The following GLDC variants were observed in gnomAD, a reference collection of about 807,000 sequenced individuals.
GLDC encodes glycine decarboxylase, also known as glycine dehydrogenase (decarboxylating), mitochondrial.
A neutral mutation model predicts 121.3 loss-of-function variants in GLDC; 104 were observed. That is an observed-to-expected ratio of 0.86 (90% CI 0.73 to 1.01). GLDC has a LOEUF of 1.01. GLDC is among the 50% of genes least tolerant of loss of function. GLDC has a pLI of 0.00. For synonymous variants in GLDC, 546 were observed against 480.6 expected, an observed-to-expected ratio of 1.14 and a Z score of -1.78; for missense variants, 1,429 against 1,306.6, an observed-to-expected ratio of 1.09 and a Z score of -1.44.
intron 21 of GLDC, among the ~76,000 whole-genome samples, chr9:6,545,618 T>C (rs761122183): frequency 2.0e-5 from 3 of 152,186 alleles, no homozygotes; most frequent in Non-Finnish European, 2.9e-5. Context: ...TTTTCTTCAA[T>C]AATAAATTAA....
At chr9:6,595,932 G>C (rs1818485608) in intron 8 of GLDC, among the ~76,000 whole-genome samples, 2 of 152,116 alleles carry the variant, frequency 1.3e-5, no homozygotes. Flanking sequence ...TGCAAAATAA[G>C]AAACAGTTTC....
intron 22 of GLDC, among the ~76,000 whole-genome samples, chr9:6,539,678 GA>G (rs1817214811): frequency 1.3e-5 from 2 of 152,156 alleles, no homozygotes; most frequent in Non-Finnish European, 2.9e-5. Context: ...AGAAGCAGCT[GA>G]AACAGCTACG....
intron 2 of GLDC, among the ~76,000 whole-genome samples, chr9:6,637,489 G>T (rs549002483): frequency 6.6e-6 from 1 of 151,570 alleles, no homozygotes; most frequent in African/African-American, 2.4e-5. Flanking sequence ...TCATTCTGTC[G>T]CCCAGGCTGG....
chr9:6,559,257 G>C (rs1172066250), intron 16 of GLDC, among the ~76,000 whole-genome samples: 2 of 152,214 alleles, frequency 1.3e-5, no homozygotes, highest in African/African-American at 4.8e-5. Flanking sequence ...GCTCACGCGT[G>C]TAATCCCAGC....
intron 9 of GLDC, among the ~76,000 whole-genome samples, 179 bp downstream of exon 9, chr9:6,594,835 A>AAAGAAAG: frequency 6.6e-6 from 1 of 150,480 alleles, no homozygotes; most frequent in South Asian, 2.1e-4. Context: ...AAGAAAGAAA[A>AAAGAAAG]AGAAAGAGAA....
At chr9:6,627,593 T>C (rs1041422404) in intron 2 of GLDC, among the ~76,000 whole-genome samples, 18 of 152,050 alleles carry the variant, frequency 1.2e-4, no homozygotes, top group Admixed American at 3.3e-4. Context: ...CTGTCCCCTA[T>C]ACAACAAGTT....
intron 2 of GLDC, among the ~76,000 whole-genome samples, chr9:6,641,994 C>T (rs974327753): frequency 1.3e-5 from 2 of 152,174 alleles, no homozygotes; most frequent in East Asian, 1.9e-4. Context: ...TTTGCTCTCC[C>T]CACCTGGAGA....
At chr9:6,615,059 T>A (rs1818941298) in intron 3 of GLDC, among the ~76,000 whole-genome samples, 1 of 152,184 alleles carries the variant, frequency 6.6e-6, no homozygotes, top group South Asian at 2.1e-4. Flanking sequence ...ACTTGTGAAC[T>A]GGGATAAATA....
chr9:6,635,956 G>A (rs1435488082), intron 2 of GLDC, among the ~76,000 whole-genome samples: 1 of 152,130 alleles, frequency 6.6e-6, no homozygotes, highest in Non-Finnish European at 1.5e-5. Context: ...TACTACAGTT[G>A]TCTAAACCCC....
chr9:6,597,130 T>A (rs1312986523), intron 8 of GLDC, among the ~76,000 whole-genome samples: 3 of 152,202 alleles, frequency 2.0e-5, no homozygotes, highest in Admixed American at 2.0e-4. Context: ...GGCCACACAT[T>A]GTATGATCCC....
At chr9:6,602,680 G>A (rs1334719600) in intron 7 of GLDC, among the ~76,000 whole-genome samples, 1 of 152,066 alleles carries the variant, frequency 6.6e-6, no homozygotes, top group Non-Finnish European at 1.5e-5. Context: ...ACTGTACTCT[G>A]AGACACCAAG....
chr9:6,564,456 A>G (rs1030315187), intron 16 of GLDC, among the ~76,000 whole-genome samples: 1 of 152,238 alleles, frequency 6.6e-6, no homozygotes, highest in Non-Finnish European at 1.5e-5. Context: ...TAATAAAACC[A>G]GAAATGGACT....
intron 2 of GLDC, 184 bp downstream of exon 2, chr9:6,644,430 G>T: frequency 1.5e-6 from 1 of 649,038 alleles, no homozygotes; most frequent in Non-Finnish European, 2.8e-6. Flanking sequence ...ACACAAAACT[G>T]TCTGCTCCGA....
chr9:6,615,116 A>G (rs1234423560), intron 3 of GLDC, among the ~76,000 whole-genome samples: 1 of 152,224 alleles, frequency 6.6e-6, no homozygotes, highest in African/African-American at 2.4e-5. Context: ...AATGGAAATA[A>G]CATCACCTAT....
At position 6,536,100 on chromosome 9, in the gene GLDC, C is replaced by G. The variant is rs754188922; in HGVS notation, c.2802G>C (p.Glu934Asp). The G allele has an allele frequency of 1.9e-6, 3 of 1,614,118 alleles. No individual in the cohort carries two copies. The highest frequency in any genetic ancestry group is 2.5e-6 in the Non-Finnish European group (3 of 1,179,994). Residue 934 changes from glutamate (E) to aspartate (D), a missense_variant, in exon 23 of 25, where the codon GAG becomes GAC. By Grantham distance (45) the Glu-to-Asp change is conservative. Transcript: ENST00000321612. ...ISIRQEIADI[E>D]EGRIDPRVNP... is the part of the protein sequence containing the mutation. ...TGACCCTGGGGTCGATGCGGCCCTCCTCAATGTCAGCAATTTCCTGCCGAA... is the reference window on the plus strand; with the variant it reads ...TGACCCTGGGGTCGATGCGGCCCTCGTCAATGTCAGCAATTTCCTGCCGAA...
intron 21 of GLDC, 127 bp from the exon 22 acceptor site, chr9:6,540,273 A>C (rs1401183561): frequency 4.2e-6 from 3 of 721,674 alleles, no homozygotes; most frequent in Non-Finnish European, 7.6e-6. Flanking sequence ...CCAAGAAGCC[A>C]TGGGCACCGG....
chr9:6,608,289 G>A (rs1818777379), intron 4 of GLDC, among the ~76,000 whole-genome samples: 1 of 148,442 alleles, frequency 6.7e-6, no homozygotes. Context: ...GGGCGTGGTG[G>A]CGGGCACCTG....
At chr9:6,557,893 G>C (rs1285812581) in intron 17 of GLDC, 1 of 156,286 alleles carries the variant, frequency 6.4e-6, no homozygotes, top group African/African-American at 2.4e-5. Context: ...AGCAATGGAA[G>C]GGTAGAGGTG....
chr9:6,600,511 A>C (rs74659305), intron 8 of GLDC, among the ~76,000 whole-genome samples: 3,412 of 152,098 alleles, frequency 0.022, 121 homozygotes, highest in African/African-American at 0.079. Context: ...ACCTGCCTCT[A>C]CTAAAAATAC....
Sources: gnomAD v4.1 joint callset for allele counts (sites outside exome capture counted in the v4.1 genomes callset) on GRCh38, gnomAD v4.1.1 for gene constraint, MANE v1.5 for transcripts, NCBI Gene and HGNC (gene_info 2026-07-23, HGNC 2026-07-21) for gene names.